Variants in DOCK1 observed in about 807,000 individuals in gnomAD.
DOCK1 encodes the protein dedicator of cytokinesis 1.
DOCK1 carries 138 observed loss-of-function variants against 262.7 expected under a neutral mutation model. The observed-to-expected ratio is 0.53, with a 90% CI of 0.46 to 0.61. The LOEUF is 0.61. DOCK1 is among the 20% of genes least tolerant of loss of function. DOCK1 has a pLI of 0.00. For synonymous variants in DOCK1, 866 were observed against 867.4 expected, an observed-to-expected ratio of 1.00 and a Z score of 0.03; for missense variants, 1,908 against 2,370.7, an observed-to-expected ratio of 0.80 and a Z score of 4.05.
At chr10:127,330,095 G>A (rs1471655771) in intron 29 of DOCK1, among the ~76,000 whole-genome samples, 2 of 152,152 alleles carry the variant, frequency 1.3e-5, no homozygotes, top group African/African-American at 4.8e-5. Context: ...GCTTTGGAGG[G>A]AGCATTTTAA....
chr10:127,167,725 G>A (rs2054209233), intron 27 of DOCK1, among the ~76,000 whole-genome samples: 1 of 151,896 alleles, frequency 6.6e-6, no homozygotes, highest in South Asian at 2.1e-4. Context: ...CAGCTCCCCT[G>A]CCCGTGACAC....
rs530123224 is a variant in DOCK1, at chr10:127,344,841, A to G, written c.3224+1095A>G. The stretch of plus-strand genomic sequence containing the variant: ...ATACCTGTGAATTGCCATGCACTCC[A>G]GCCTGGGCAACATGGCAAGACCCCC... On this transcript the variant is annotated intron_variant, in intron 31 of 51. Transcript: ENST00000623213. Among the ~76,000 whole-genome samples the G allele has an allele frequency of 3.3e-5, 5 of 152,294 alleles. No homozygotes were observed. In the South Asian group the frequency reaches 1.0e-3, roughly 32 times the overall value.
In DOCK1 at chr10:127,100,546, G is replaced by A. The variant is rs567257509; in HGVS notation, c.2446-5685G>A. On this transcript the variant is annotated intron_variant, in intron 23 of 51. Transcript: ENST00000623213. This position sits in a 1 kb window ranked among gnomAD's most constrained non-coding sequence, Gnocchi z 5.5. ...GTGGGTGTTGGGCTCAGGAGGAAGGGGAGCCCTGGAGATGGATCAGAATTG... is the reference window on the plus strand; with the variant it reads ...GTGGGTGTTGGGCTCAGGAGGAAGGAGAGCCCTGGAGATGGATCAGAATTG... Among the ~76,000 whole-genome samples, 30 of 152,086 alleles carry A rather than the reference G, an allele frequency of 2.0e-4. No homozygotes were observed. The highest frequency in any genetic ancestry group is 1.9e-3 in the South Asian group (9 of 4,832).
intron 27 of DOCK1, among the ~76,000 whole-genome samples, chr10:127,133,091 T>A (rs2050422903): frequency 6.6e-6 from 1 of 152,112 alleles, no homozygotes; most frequent in Non-Finnish European, 1.5e-5. Flanking sequence ...TGGTGGAGGG[T>A]GTGTTTCATT....
Position 127,175,948 on chromosome 10 carries a change from T to G in DOCK1, c.2847+48184T>G. 6.2e-7 allele frequency: 1 copy of G among 1,614,196 alleles called. No individual in the cohort carries two copies. On this transcript the variant is annotated intron_variant, in intron 27 of 51. Transcript: ENST00000623213. This position sits in a 1 kb window ranked among gnomAD's most constrained non-coding sequence, Gnocchi z 6.3. ...TCCTCCATGGGTCCAGCCTCGTTCT[T>G]CTCTTTCGCATCTGTTAGAAACCCA... is the stretch of plus-strand genomic sequence containing the variant.
At chr10:127,065,092 C>T (rs901716148) in intron 23 of DOCK1, among the ~76,000 whole-genome samples, 1 of 152,164 alleles carries the variant, frequency 6.6e-6, no homozygotes, top group Non-Finnish European at 1.5e-5. Flanking sequence ...TCACAGCAAC[C>T]TCTGCCTTCC....
chr10:127,114,154 TGA>T (rs1286258740), intron 25 of DOCK1, among the ~76,000 whole-genome samples: 1 of 152,162 alleles, frequency 6.6e-6, no homozygotes, highest in Non-Finnish European at 1.5e-5. Flanking sequence ...TTCCATAGGA[TGA>T]GAACTTTCCA....
At chr10:127,053,809 CTGTATG>C (rs1450012016) in intron 22 of DOCK1, among the ~76,000 whole-genome samples, 1 of 152,196 alleles carries the variant, frequency 6.6e-6, no homozygotes, top group African/African-American at 2.4e-5. Context: ...CGCCTCTTCA[CTGTATG>C]ATTCAAAAGA....
At chr10:127,386,621 A>T (rs779641504) in intron 38 of DOCK1, among the ~76,000 whole-genome samples, 3 of 151,788 alleles carry the variant, frequency 2.0e-5, no homozygotes, top group Non-Finnish European at 1.5e-5. Flanking sequence ...TGATGGGATC[A>T]TCTAGTTGCA....
At chr10:127,170,155 T>G (rs772146446) in intron 27 of DOCK1, among the ~76,000 whole-genome samples, 2 of 152,124 alleles carry the variant, frequency 1.3e-5, no homozygotes, top group Non-Finnish European at 2.9e-5. Context: ...GATAAATGAC[T>G]GGGTTTGCCA....
chr10:127,377,754 T>G (rs1200946951), intron 35 of DOCK1, among the ~76,000 whole-genome samples: 4 of 151,892 alleles, frequency 2.6e-5, no homozygotes, highest in Non-Finnish European at 4.4e-5. Flanking sequence ...TAGCTGGGCA[T>G]GGTGTTGGGT....
chr10:127,451,506 T>A lies in DOCK1; in HGVS notation c.*79T>A. 6.5e-7 allele frequency: 1 copy of A among 1,543,732 alleles called. No individual in the cohort carries two copies. Among genetic ancestry groups the A allele is most frequent in the Non-Finnish European group, 8.7e-7 (1 of 1,145,346 alleles). On this transcript the variant is annotated 3_prime_UTR_variant, in exon 52 of 52. Transcript: ENST00000623213. ...CTCCTTCTGTGTCCCCTGAGTCTGC[T>A]GTTTACCTCATTGGGCCTGTGATGT...
intron 1 of DOCK1, among the ~76,000 whole-genome samples, chr10:126,934,449 G>A (rs1245876800): frequency 6.6e-6 from 1 of 152,192 alleles, no homozygotes; most frequent in East Asian, 1.9e-4. Flanking sequence ...TGCACCATTC[G>A]ACTCACTTTT....
intron 27 of DOCK1, among the ~76,000 whole-genome samples, chr10:127,205,566 A>G (rs2057679362): frequency 6.6e-6 from 1 of 152,208 alleles, no homozygotes; most frequent in East Asian, 1.9e-4. Flanking sequence ...CACAGCAAAC[A>G]CCATGTGGCT....
intron 25 of DOCK1, among the ~76,000 whole-genome samples, chr10:127,114,634 T>TA (rs973173147): frequency 1.5e-4 from 3 of 20,118 alleles, no homozygotes; most frequent in Non-Finnish European, 9.3e-4. Context: ...CTTTTGGCTA[T>TA]ACCTTTGGCT....
At chr10:126,993,573 T>C in intron 6 of DOCK1, among the ~76,000 whole-genome samples, 1 of 152,238 alleles carries the variant, frequency 6.6e-6, no homozygotes, top group East Asian at 1.9e-4. Flanking sequence ...CAAAAATAAC[T>C]AATGAGACCT....
intron 1 of DOCK1, among the ~76,000 whole-genome samples, chr10:126,909,258 G>C (rs529880305): frequency 4.4e-4 from 67 of 152,152 alleles, no homozygotes; most frequent in African/African-American, 1.5e-3. Flanking sequence ...GCTAATGATC[G>C]GCAGTTACAA....
chr10:127,404,983 G>A lies in DOCK1; in HGVS notation c.4122+554G>A, dbSNP rs149645651. On this transcript the variant is annotated intron_variant, in intron 40 of 51. Coordinates refer to ENST00000623213, the MANE Select transcript of DOCK1 (RefSeq NM_001290223.2). The stretch of plus-strand genomic sequence containing the variant: ...TGTGTTTGGCTTGTTTCACTCGGCC[G>A]AATGTCTTCCAGTTTCATCCAGGTT... Among the ~76,000 whole-genome samples, 311 of 152,284 alleles carry A rather than the reference G, an allele frequency of 2.0e-3. 4 individuals are homozygous for A. Among genetic ancestry groups the A allele is most frequent in the Admixed American group, 0.018 (275 of 15,296 alleles).
At chr10:127,093,231 C>CTTTTCTTTTCT (rs772956583) in intron 23 of DOCK1, among the ~76,000 whole-genome samples, 2 of 120,186 alleles carry the variant, frequency 1.7e-5, no homozygotes, top group Middle Eastern at 4.0e-3. Flanking sequence ...TTCTTTCTTT[C>CTTTTCTTTTCT]TTTCTTTCTT....
Sources: allele counts gnomAD v4.1 joint callset (sites outside exome capture counted in the v4.1 genomes callset), GRCh38; gene constraint gnomAD v4.1.1; non-coding constraint Gnocchi (gnomAD v3.1); transcripts MANE v1.5; gene names NCBI Gene and HGNC (gene_info 2026-07-23, HGNC 2026-07-21).